The following NELL2 variants were observed in gnomAD, a reference collection of about 807,000 sequenced individuals.
NELL2 encodes neural EGFL like 2, also known as protein kinase C-binding protein NELL2.
A neutral mutation model predicts 109.6 loss-of-function variants in NELL2; 41 were observed. The observed-to-expected ratio is 0.37, with a 90% confidence interval of 0.29 to 0.49. NELL2 has a LOEUF of 0.49. NELL2 is among the 20% of genes least tolerant of loss of function. The pLI, the probability that NELL2 is intolerant of heterozygous loss-of-function variation, is 0.98. For missense variants in NELL2, 900 were observed against 1,008.3 expected, an observed-to-expected ratio of 0.89 and a Z score of 1.45; for synonymous variants, 355 against 344.7, an observed-to-expected ratio of 1.03 and a Z score of -0.33.
intron 15 of NELL2, among the ~76,000 whole-genome samples, chr12:44,549,210 T>C (rs1229165795): frequency 6.6e-6 from 1 of 152,198 alleles, no homozygotes; most frequent in Admixed American, 6.6e-5. Context: ...TGGAGGAGAT[T>C]GCTAATGGTT....
At chr12:44,868,119 CAAAAAAA>C (rs34038469) in intron 2 of NELL2, among the ~76,000 whole-genome samples, 7 of 64,654 alleles carry the variant, frequency 1.1e-4, no homozygotes, top group Non-Finnish European at 1.6e-4. Flanking sequence ...GGCTCCATCT[CAAAAAAA>C]AAAAAAAAAA....
chr12:44,695,878 G>C lies in NELL2; in HGVS notation c.1318+7848C>G, dbSNP rs536531970. ...GCATGCCTGTAGGCCCAGCTACTTGGGAGGCTGAGGTGGGGGGATTGCTTG... is the reference window on the plus strand; with the variant it reads ...GCATGCCTGTAGGCCCAGCTACTTGCGAGGCTGAGGTGGGGGGATTGCTTG... On this transcript the variant is annotated intron_variant, in intron 12 of 19. Transcript: ENST00000429094. Among the ~76,000 whole-genome samples, 6 of 152,232 alleles carry C rather than the reference G, an allele frequency of 3.9e-5. No individual in the cohort carries two copies. The South Asian group carries it at 1.2e-3, about 32-fold the overall frequency.
Position 44,829,374 on chromosome 12 carries a change from G to C in NELL2, c.185-13238C>G, listed in dbSNP as rs564712976. Reference sequence around the variant, plus strand: ...TAGCAAATTTAAGAATCAGTAATTTGCTAGACTTTTATTTAAACCAATCCA... The same window carrying C: ...TAGCAAATTTAAGAATCAGTAATTTCCTAGACTTTTATTTAAACCAATCCA... On this transcript the variant is annotated intron_variant, in intron 2 of 19. Coordinates refer to ENST00000429094, the MANE Select transcript of NELL2 (RefSeq NM_001145108.2). Among the ~76,000 whole-genome samples the C allele has an allele frequency of 3.9e-5, 6 of 152,196 alleles. No individual in the cohort carries two copies. In the East Asian group the frequency reaches 1.2e-3, roughly 29 times the overall value.
At chr12:44,568,387 T>G (rs563463139) in intron 15 of NELL2, among the ~76,000 whole-genome samples, 3 of 152,280 alleles carry the variant, frequency 2.0e-5, no homozygotes, top group South Asian at 4.1e-4. Context: ...TTGAGATACA[T>G]TCAGACAATT....
chr12:44,669,685 C>T (rs1026824494), intron 12 of NELL2, among the ~76,000 whole-genome samples: 3 of 151,888 alleles, frequency 2.0e-5, no homozygotes, highest in Admixed American at 6.6e-5. Flanking sequence ...TTTGAAATAA[C>T]TCAGTCAGAC....
intron 3 of NELL2, among the ~76,000 whole-genome samples, chr12:44,804,064 G>A (rs1008570722): frequency 6.6e-6 from 1 of 151,814 alleles, no homozygotes; most frequent in African/African-American, 2.4e-5. Context: ...TTTTGGTGCT[G>A]CTCAGACTAT....
chr12:44,604,157 A>G (rs7975458), intron 15 of NELL2, among the ~76,000 whole-genome samples: 162 of 152,178 alleles, frequency 1.1e-3, no homozygotes, highest in African/African-American at 3.7e-3. Flanking sequence ...GGGACGAAGC[A>G]TGGCATAAGA....
At position 44,678,333 on chromosome 12, in the gene NELL2, T is replaced by C. The variant is rs1054546932; in HGVS notation, c.1319-12724A>G. ...TGGTACTACCAAATGGGAGCACTCATGCAAAAATTCAATCCAGAAGATAAC... is the reference window on the plus strand; with the variant it reads ...TGGTACTACCAAATGGGAGCACTCACGCAAAAATTCAATCCAGAAGATAAC... On this transcript the variant is annotated intron_variant, in intron 12 of 19. Coordinates refer to ENST00000429094, the MANE Select transcript of NELL2 (RefSeq NM_001145108.2). 5.9e-5 allele frequency among the ~76,000 whole-genome samples: 9 copies of C among 152,098 alleles called. No individual in the cohort carries two copies. The South Asian group carries it at 1.7e-3, about 28-fold the overall frequency.
At chr12:44,650,037 G>A (rs921275739) in intron 13 of NELL2, among the ~76,000 whole-genome samples, 5 of 152,180 alleles carry the variant, frequency 3.3e-5, no homozygotes, top group African/African-American at 9.7e-5. Context: ...AAAACCTACA[G>A]CCTCAGGCTG....
At chr12:44,917,238 T>G (rs1398884560), upstream of NELL2, among the ~76,000 whole-genome samples, 1 of 152,200 alleles carries the variant, frequency 6.6e-6, no homozygotes, top group Non-Finnish European at 1.5e-5. Flanking sequence ...TTTCCATCCA[T>G]GAGTCTCACT....
intron 15 of NELL2, among the ~76,000 whole-genome samples, chr12:44,593,631 G>T (rs185856123): frequency 1.3e-5 from 2 of 152,136 alleles, no homozygotes; most frequent in African/African-American, 4.8e-5. Context: ...GGATTGCTGG[G>T]TCAAATGGTA....
At chr12:44,744,204 G>A (rs1271331044) in intron 9 of NELL2, among the ~76,000 whole-genome samples, 1 of 152,096 alleles carries the variant, frequency 6.6e-6, no homozygotes, top group Non-Finnish European at 1.5e-5. Context: ...ATGACTACAG[G>A]TTAAATAATG....
intron 13 of NELL2, among the ~76,000 whole-genome samples, chr12:44,625,033 T>TA (rs1592227172): frequency 5.9e-4 from 85 of 143,800 alleles, no homozygotes; most frequent in South Asian, 3.8e-3. Flanking sequence ...TATATATATA[T>TA]TTCTGAACAA....
chr12:44,686,789 C>T (rs951584078), intron 12 of NELL2, among the ~76,000 whole-genome samples: 13 of 152,316 alleles, frequency 8.5e-5, no homozygotes, highest in South Asian at 4.1e-4. Flanking sequence ...TCTCCAGCTG[C>T]GTGCTGGGAG....
At chr12:44,694,526 C>T (rs1429614019) in intron 12 of NELL2, among the ~76,000 whole-genome samples, 8 of 151,188 alleles carry the variant, frequency 5.3e-5, no homozygotes, top group Admixed American at 2.6e-4. Context: ...TACAAACACA[C>T]ACACACACAC....
intron 13 of NELL2, among the ~76,000 whole-genome samples, chr12:44,612,362 A>G (rs1945651694): frequency 6.6e-6 from 1 of 152,008 alleles, no homozygotes; most frequent in East Asian, 1.9e-4. Context: ...GATTATTCCC[A>G]ATAATCCTTT....
At chr12:44,842,101 G>GAGGGAGGGAGGGAGGGAGGGAGGGAGGA in intron 2 of NELL2, among the ~76,000 whole-genome samples, 1 of 42,306 alleles carries the variant, frequency 2.4e-5, no homozygotes, top group Non-Finnish European at 6.4e-5. Flanking sequence ...GGGAGGGAGG[G>GAGGGAGGGAGGGAGGGAGGGAGGGAGGA]AGGGAGGGAG....
At chr12:44,910,313 TAA>T (rs1400052160) in intron 1 of NELL2, among the ~76,000 whole-genome samples, 3 of 151,742 alleles carry the variant, frequency 2.0e-5, no homozygotes, top group Non-Finnish European at 4.4e-5. Flanking sequence ...GCAAAAGACA[TAA>T]GAGACACTTT....
intron 1 of NELL2, among the ~76,000 whole-genome samples, chr12:44,909,787 AG>A (rs1945759275): frequency 6.6e-6 from 1 of 151,432 alleles, no homozygotes; most frequent in Admixed American, 6.6e-5. Context: ...ACACACACAC[AG>A]CAATGGAACA....
Sources: allele counts gnomAD v4.1 joint callset (sites outside exome capture counted in the v4.1 genomes callset), GRCh38; gene constraint gnomAD v4.1.1; transcripts MANE v1.5; gene names NCBI Gene and HGNC (gene_info 2026-07-23, HGNC 2026-07-21).